Variants in POU1F1 observed in about 807,000 individuals in gnomAD.
POU1F1 encodes pituitary-specific positive transcription factor 1.
In POU1F1, 23 loss-of-function variants were observed where a neutral mutation model predicts 32.3. The ratio of observed to expected loss-of-function variants is 0.71; its 90% CI spans 0.51 to 1.01. The LOEUF (loss-of-function observed/expected upper bound fraction) is 1.01, where lower values mean the gene tolerates loss of function less well. Among genes scored for constraint, POU1F1 ranks in the 50% least tolerant of loss-of-function variants. The probability of loss-of-function intolerance (pLI) is 0.00; values close to 1 mark genes in which losing one functional copy is unlikely to be tolerated. For missense variants in POU1F1, 323 were observed against 341.6 expected (o/e 0.95, Z 0.43); for synonymous variants, 120 against 115.6 (o/e 1.04, Z -0.25).
intron 4 of POU1F1, 47 bp downstream of exon 4, chr3:87,262,024 T>C (rs754822177): frequency 6.2e-7 from 1 of 1,608,092 alleles, no homozygotes; most frequent in African/African-American, 1.3e-5. Context: ...GAAGCCATTA[T>C]TTTTAGGTTA....
intron 1 of POU1F1, among the ~76,000 whole-genome samples, chr3:87,274,804 G>A (rs1706796824): frequency 1.3e-5 from 2 of 151,290 alleles, no homozygotes; most frequent in African/African-American, 2.4e-5. Flanking sequence ...ACATTTGTAG[G>A]TCACTTTTAT....
chr3:87,262,741 ATT>A lies in POU1F1; in HGVS notation c.440-508_440-507del, dbSNP rs1491563525. ...ATTATGTCACTTTCCCTAAAACCATATTTATTAAGAGGCTATGATTACACATT... is the reference window on the plus strand; with the variant it reads ...ATTATGTCACTTTCCCTAAAACCATATATTAAGAGGCTATGATTACACATT... On this transcript the variant is annotated intron_variant, in intron 3 of 5. Transcript: ENST00000350375. Among the ~76,000 whole-genome samples, 6 of 152,244 alleles carry A rather than the reference ATT, an allele frequency of 3.9e-5. No individual in the cohort carries two copies. The South Asian group carries it at 8.3e-4, about 21-fold the overall frequency.
chr3:87,259,847 G>A lies in POU1F1; in HGVS notation c.*47C>T, dbSNP rs1706471993. Reference sequence around the variant, plus strand: ...TAATTTCTGTTTTTGTTGAGGAAGAGAAAGGAATGAAACGGGAGAAAAAGG... The same window carrying A: ...TAATTTCTGTTTTTGTTGAGGAAGAAAAAGGAATGAAACGGGAGAAAAAGG... On this transcript the variant is annotated 3_prime_UTR_variant, in exon 6 of 6. Coordinates refer to ENST00000350375, the MANE Select transcript of POU1F1 (RefSeq NM_000306.4). 3.3e-6 allele frequency: 5 copies of A among 1,499,134 alleles called. No homozygotes were observed. The highest frequency in any genetic ancestry group is 4.6e-6 in the Non-Finnish European group (5 of 1,078,022). 92.9% of individuals were successfully genotyped at this position (1,499,134 alleles called of 1,614,324 possible).
chr3:87,272,570 A>C (rs1706747654), intron 2 of POU1F1, among the ~76,000 whole-genome samples: 1 of 152,188 alleles, frequency 6.6e-6, no homozygotes, highest in African/African-American at 2.4e-5. Context: ...TAGATCTCAT[A>C]AGCCAGATCT....
intron 2 of POU1F1, among the ~76,000 whole-genome samples, chr3:87,267,967 A>G (rs1042295016): frequency 6.6e-6 from 1 of 152,092 alleles, no homozygotes; most frequent in Non-Finnish European, 1.5e-5. Context: ...CACGCAGAAA[A>G]CAAATTTGAA....
At chr3:87,272,447 T>A (rs957173843) in intron 2 of POU1F1, among the ~76,000 whole-genome samples, 25 of 152,186 alleles carry the variant, frequency 1.6e-4, no homozygotes, top group African/African-American at 6.0e-4. Flanking sequence ...AAAGCTATCT[T>A]AAAAATAAAC....
chr3:87,260,202 A>T, intron 5 of POU1F1, 98 bp from the exon 6 acceptor site: 1 of 920,722 alleles, frequency 1.1e-6, no homozygotes, highest in Non-Finnish European at 1.7e-6. Flanking sequence ...CAATATTAAC[A>T]TGAAAAGGAA....
At position 87,267,325 on chromosome 3, in the gene POU1F1, T is replaced by C. The variant is rs116682114; in HGVS notation, c.215-2813A>G. Among the ~76,000 whole-genome samples the C allele has an allele frequency of 3.5e-3, 532 of 152,252 alleles. 1 individual carries two copies. The highest frequency in any genetic ancestry group is 0.012 in the African/African-American group (518 of 41,558). On this transcript the variant is annotated intron_variant, in intron 2 of 5. Transcript: ENST00000350375. ...GGAGGAAATTTAAGTAGAAAGAAAGTAAATAACTTGCCTCCAGTGCCCAAC... is the reference window on the plus strand; with the variant it reads ...GGAGGAAATTTAAGTAGAAAGAAAGCAAATAACTTGCCTCCAGTGCCCAAC...
At chr3:87,271,184 G>T (rs1359157963) in intron 2 of POU1F1, among the ~76,000 whole-genome samples, 2 of 152,112 alleles carry the variant, frequency 1.3e-5, no homozygotes, top group Non-Finnish European at 2.9e-5. Flanking sequence ...TGAGGAAGAG[G>T]TTCGTGGAAG....
chr3:87,272,410 T>TC (rs1706745169), intron 2 of POU1F1, among the ~76,000 whole-genome samples: 1 of 152,048 alleles, frequency 6.6e-6, no homozygotes, highest in Non-Finnish European at 1.5e-5. Context: ...CCCATTAACT[T>TC]GTCATTTAGC....
intron 2 of POU1F1, among the ~76,000 whole-genome samples, chr3:87,264,763 C>A (rs1267049203): frequency 1.3e-5 from 2 of 152,076 alleles, no homozygotes; most frequent in East Asian, 1.9e-4. Flanking sequence ...CAGGGGACTG[C>A]AAATAACTAA....
intron 3 of POU1F1, among the ~76,000 whole-genome samples, chr3:87,263,802 A>G (rs940541608): frequency 6.6e-6 from 1 of 152,068 alleles, no homozygotes; most frequent in African/African-American, 2.4e-5. Flanking sequence ...AAGGAGCTCT[A>G]GAAAAATTAC....
At chr3:87,272,370 T>G (rs973958218) in intron 2 of POU1F1, among the ~76,000 whole-genome samples, 1 of 152,216 alleles carries the variant, frequency 6.6e-6, no homozygotes, top group African/African-American at 2.4e-5. Flanking sequence ...TAGTTACATA[T>G]GTATACATGC....
rs768462346 is a variant in POU1F1 at position 87,260,102 on chromosome 3, A to T, written c.668T>A (p.Ile223Asn). The T allele has an allele frequency of 9.9e-6, 16 of 1,612,478 alleles. No individual in the cohort carries two copies. The highest frequency in any genetic ancestry group is 1.4e-5 in the Non-Finnish European group (16 of 1,179,098). The change falls in exon 6 of 6, where the codon ATT becomes AAT. Residue 223 changes from isoleucine to asparagine, a missense_variant and splice_region_variant. Ile to Asn is a moderately radical substitution (Grantham distance 149). Transcript: ENST00000350375. ...TCTCTCCAGAGCATCTTTAGCAGCAATGCTGGCGGGGGGTGGACATAGGGG... is the reference window on the plus strand; with the variant it reads ...TCTCTCCAGAGCATCTTTAGCAGCATTGCTGGCGGGGGGTGGACATAGGGG... Reference protein sequence around the residue: ...RKRKRRTTISIAAKDALERHF... With the variant: ...RKRKRRTTISNAAKDALERHF...
intron 2 of POU1F1, among the ~76,000 whole-genome samples, chr3:87,270,817 A>G (rs373083824): frequency 1.4e-4 from 22 of 152,164 alleles, no homozygotes; most frequent in African/African-American, 5.3e-4. Flanking sequence ...TTTGTAACTC[A>G]ATTTATGCAG....
chr3:87,267,646 C>T (rs1255875469), intron 2 of POU1F1, among the ~76,000 whole-genome samples: 1 of 150,826 alleles, frequency 6.6e-6, no homozygotes, highest in African/African-American at 2.4e-5. Flanking sequence ...CACACTCTGT[C>T]TCCTAGACTG....
At chr3:87,260,927 T>C (rs1217529427) in intron 5 of POU1F1, among the ~76,000 whole-genome samples, 1 of 148,884 alleles carries the variant, frequency 6.7e-6, no homozygotes, top group Non-Finnish European at 1.5e-5. Context: ...TTTATTTATT[T>C]TGAGACGGTG....
chr3:87,262,119 G>A lies in POU1F1; in HGVS notation c.556C>T (p.Leu186=). ...AGCCATTTGGATAATATTGCTTTCA[G>A]TTTGCATGCATTTTTAAAGCTGAGC... is the stretch of plus-strand genomic sequence containing the variant. ...LQLSFKNACK[L]KAILSKWLEE... is the part of the protein sequence containing the mutation. Residue 186 remains leucine, a synonymous_variant, in exon 4 of 6, where the codon CTG becomes TTG. Coordinates refer to ENST00000350375, the MANE Select transcript of POU1F1 (RefSeq NM_000306.4). 1 of 1,614,070 alleles carries A rather than the reference G, an allele frequency of 6.2e-7. No individual in the cohort carries two copies. The highest frequency in any genetic ancestry group is 1.1e-5 in the South Asian group (1 of 91,076).
In POU1F1 at chr3:87,259,872, G is replaced by T. The variant is rs568124971; in HGVS notation, c.*22C>A. Reference sequence around the variant, plus strand: ...GAAAGGAATGAAACGGGAGAAAAAGGCTATTATACAATAGAAAAATCTTAT... The same window carrying T: ...GAAAGGAATGAAACGGGAGAAAAAGTCTATTATACAATAGAAAAATCTTAT... On this transcript the variant is annotated 3_prime_UTR_variant, in exon 6 of 6. Transcript: ENST00000350375. 5.7e-6 allele frequency: 9 copies of T among 1,582,740 alleles called. No individual in the cohort carries two copies. The African/African-American group carries it at 1.1e-4, about 19-fold the overall frequency.
Sources: allele counts gnomAD v4.1 joint callset (sites outside exome capture counted in the v4.1 genomes callset), GRCh38; gene constraint gnomAD v4.1.1; transcripts MANE v1.5; gene names NCBI Gene and HGNC (gene_info 2026-07-23, HGNC 2026-07-21).